The following KHNYN variants were observed in gnomAD, a reference collection of about 807,000 sequenced individuals.
The protein encoded by KHNYN is KH and NYN domain containing.
In KHNYN, 42 loss-of-function variants were observed where a neutral mutation model predicts 62.7. That is an observed-to-expected ratio of 0.67 (90% CI 0.52 to 0.87). KHNYN has a LOEUF of 0.87. KHNYN is among the 40% of genes least tolerant of loss of function. The pLI, the probability that KHNYN is intolerant of heterozygous loss-of-function variation, is 0.00. For missense variants in KHNYN, 829 were observed against 874.1 expected, an observed-to-expected ratio of 0.95 and a Z score of 0.65; for synonymous variants, 347 against 345.6, an observed-to-expected ratio of 1.00 and a Z score of -0.04.
At chr14:24,425,050 A>G (rs1487578502), upstream of KHNYN, among the ~76,000 whole-genome samples, 3 of 152,050 alleles carry the variant, frequency 2.0e-5, no homozygotes, top group African/African-American at 7.3e-5. Flanking sequence ...AAATACAAAA[A>G]ATTAGCTGGG....
At chr14:24,425,099 G>C (rs1405648782), upstream of KHNYN, among the ~76,000 whole-genome samples, 1 of 152,158 alleles carries the variant, frequency 6.6e-6, no homozygotes. Context: ...TACTCGGGAG[G>C]CTGAGGCATG....
chr14:24,429,984 C>T lies in KHNYN; in HGVS notation c.-153C>T. ...GCGTGCGATGTGGACAAGAGAGGTC[C>T]CCGCTGGGTGAGGAACCCGGGAAGG... On this transcript the variant is annotated 5_prime_UTR_variant, in exon 1 of 8. Transcript: ENST00000553935. The T allele has an allele frequency of 1.0e-6, 1 of 987,358 alleles. No individual in the cohort carries two copies. Among genetic ancestry groups the T allele is most frequent in the Non-Finnish European group, 1.2e-6 (1 of 830,834 alleles). The allele number at this position is 987,358 out of a possible 1,614,324, so 61.2% of individuals were successfully genotyped here.
upstream of KHNYN, chr14:24,427,774 G>A: frequency 6.2e-7 from 1 of 1,613,430 alleles, no homozygotes; most frequent in Non-Finnish European, 8.5e-7. This position sits in a 1 kb window ranked among gnomAD's most constrained non-coding sequence, Gnocchi z 4.4. Flanking sequence ...TCTTGTGCTT[G>A]AAAGACTTGG....
At chr14:24,433,272 G>A (rs2043154224) in intron 5 of KHNYN, among the ~76,000 whole-genome samples, 3 of 152,184 alleles carry the variant, frequency 2.0e-5, no homozygotes, top group Admixed American at 2.0e-4. Context: ...ATGATACCTT[G>A]TATTTATATA....
chr14:24,436,517 G>T, intron 7 of KHNYN, 28 bp downstream of exon 7: 1 of 1,538,378 alleles, frequency 6.5e-7, no homozygotes. Context: ...CTACTTACAG[G>T]CAGCCCCCAC....
In KHNYN at chr14:24,435,864, G is replaced by T; in HGVS notation, c.1578-208G>T. ...TATGGGAGACAGTAAAACTTCTGGGGTTGGGGCCTTGGAGAGTCCCAAATG... is the reference window on the plus strand; with the variant it reads ...TATGGGAGACAGTAAAACTTCTGGGTTTGGGGCCTTGGAGAGTCCCAAATG... On this transcript the variant is annotated intron_variant, in intron 5 of 7. Transcript: ENST00000553935. 1.0e-5 allele frequency: 6 copies of T among 583,326 alleles called. No homozygotes were observed. The South Asian group carries it at 1.3e-4, about 12-fold the overall frequency. The allele number at this position is 583,326 out of a possible 1,614,324, so 36.1% of individuals were successfully genotyped here. A position where few individuals can be genotyped will look rare whatever the true frequency, so the allele number is the denominator to read the frequency against.
At chr14:24,434,096 C>T (rs551126889) in intron 5 of KHNYN, 2 of 968,074 alleles carry the variant, frequency 2.1e-6, no homozygotes, top group Non-Finnish European at 2.5e-6. Context: ...CTATTTATAT[C>T]TAGATGTCAC....
At position 24,438,979 on chromosome 14, in the gene KHNYN, T is replaced by C. The variant is rs1566504021; in HGVS notation, c.*1694T>C. The C allele has an allele frequency of 6.6e-6, 1 of 152,186 alleles. No individual in the cohort carries two copies. The highest frequency in any genetic ancestry group is 2.4e-5 in the African/African-American group (1 of 41,396). The allele number at this position is 152,186 out of a possible 1,614,324, so 9.4% of individuals were successfully genotyped here. On this transcript the variant is annotated 3_prime_UTR_variant, in exon 8 of 8. Coordinates refer to ENST00000553935, the MANE Select transcript of KHNYN (RefSeq NM_015299.3). The stretch of plus-strand genomic sequence containing the variant: ...TCCTTTTTGGTGATTTACACCACTG[T>C]ACCATACTGACCCAGGCTGGGGGCA...
rs769013768 is a variant in KHNYN at position 24,432,465 on chromosome 14, C to T, written c.1204C>T (p.Arg402Ter). Residue 402 changes from arginine (R) to a stop codon, truncating the protein, a stop_gained, in exon 3 of 8, where the codon CGA (arginine) becomes TGA (stop). Transcript: ENST00000553935. LOFTEE classifies it high-confidence loss of function. The surrounding 1 kb of genome is among the most constrained non-coding windows in gnomAD (Gnocchi z 5.6). ...ACGGGGTCGGGGGCCTCAATGGAAA[C>T]GAGGCGCCCGAGGGGGCAACTTGGT... ...MARGRGPQWK[R>*]GARGGNLVTG... is the part of the protein sequence containing the mutation. 6.8e-6 allele frequency: 11 copies of T among 1,613,402 alleles called. No homozygotes were observed. Among genetic ancestry groups the T allele is most frequent in the African/African-American group, 2.7e-5 (2 of 74,898 alleles).
chr14:24,431,728 A>G lies in KHNYN; in HGVS notation c.467A>G (p.Gln156Arg). 6.2e-7 allele frequency: 1 copy of G among 1,614,166 alleles called. No homozygotes were observed. The highest frequency in any genetic ancestry group is 8.5e-7 in the Non-Finnish European group (1 of 1,180,034). ...CCAGGACCATCTTCCGGAGCCTCTC[A>G]GTGTACTGGAGTGCTGAGAGACTTC... ...FTPGPSSGAS[Q>R]CTGVLRDFSA... Residue 156 changes from glutamine (Q) to arginine (R), a missense_variant, in exon 3 of 8, where the codon CAG becomes CGG. Transcript: ENST00000553935.
In KHNYN at chr14:24,439,326, C is replaced by CA. The variant is rs1178666272; in HGVS notation, c.*2042dup. The CA allele has an allele frequency of 1.3e-5, 2 of 152,154 alleles. No individual in the cohort carries two copies. Among genetic ancestry groups the CA allele is most frequent in the Non-Finnish European group, 2.9e-5 (2 of 68,038 alleles). 9.4% of individuals were successfully genotyped at this position (152,154 alleles called of 1,614,324 possible). A position where few individuals can be genotyped will look rare whatever the true frequency, so the allele number is the denominator to read the frequency against. ...AGGGCCCTGGTTGACTGAGTGGCCC[C>CA]AGTCAGATGAGAGGCAAGTCCTAAG... On this transcript the variant is annotated 3_prime_UTR_variant, in exon 8 of 8. Transcript: ENST00000553935.
At chr14:24,434,297 T>G (rs1279497485) in intron 5 of KHNYN, 29 of 985,258 alleles carry the variant, frequency 2.9e-5, no homozygotes, top group Non-Finnish European at 3.5e-5. Flanking sequence ...GTACACAGCG[T>G]AGGCATACGG....
chr14:24,423,591 G>A, the KHNYN span, among the ~76,000 whole-genome samples: 3 of 152,210 alleles, frequency 2.0e-5, no homozygotes, highest in African/African-American at 7.2e-5. Flanking sequence ...CAGAACTGGT[G>A]GGGCAAAAGG....
At chr14:24,434,805 A>G (rs928225028) in intron 5 of KHNYN, among the ~76,000 whole-genome samples, 7 of 152,126 alleles carry the variant, frequency 4.6e-5, no homozygotes, top group African/African-American at 1.2e-4. Flanking sequence ...CCTATACCAC[A>G]CTATCTTTCA....
At chr14:24,429,272 A>G (rs906852600), upstream of KHNYN, 43 of 703,388 alleles carry the variant, frequency 6.1e-5, no homozygotes, top group Non-Finnish European at 1.0e-4. Flanking sequence ...ATGCAGTGAC[A>G]GCAGTTGGGC....
chr14:24,434,846 A>G (rs2043181188), intron 5 of KHNYN, among the ~76,000 whole-genome samples: 1 of 152,198 alleles, frequency 6.6e-6, no homozygotes, highest in Non-Finnish European at 1.5e-5. Context: ...TACTAGGTGC[A>G]TGGCCTGCAG....
chr14:24,441,037 T>G lies in KHNYN; in HGVS notation c.*3752T>G. On this transcript the variant is annotated 3_prime_UTR_variant, in exon 8 of 8. Coordinates refer to ENST00000553935, the MANE Select transcript of KHNYN (RefSeq NM_015299.3). ...CTCTGGCCCTTAGGATCTCCCCATT[T>G]GGAGACAGAGCCATTTGGATATTTT... The G allele has an allele frequency of 8.6e-7, 1 of 1,166,160 alleles. No individual in the cohort carries two copies. 72.2% of individuals were successfully genotyped at this position (1,166,160 alleles called of 1,614,324 possible).
intron 5 of KHNYN, 65 bp downstream of exon 5, chr14:24,433,097 G>T: frequency 7.0e-7 from 1 of 1,428,118 alleles, no homozygotes. Flanking sequence ...CTGAGGGAGA[G>T]AGAAAAGCTC....
Position 24,440,235 on chromosome 14 carries a change from G to C in KHNYN, c.*2950G>C, listed in dbSNP as rs371901244. The C allele has an allele frequency of 2.0e-5, 33 of 1,613,934 alleles. No homozygotes were observed. In the African/African-American group the frequency reaches 3.7e-4, roughly 18 times the overall value. On this transcript the variant is annotated 3_prime_UTR_variant, in exon 8 of 8. Transcript: ENST00000553935. ...ACAGCTTGCACCACAGCGCTGGGGAGAGGGATGAAGGCTCGGCGGCCCAGG... is the reference window on the plus strand; with the variant it reads ...ACAGCTTGCACCACAGCGCTGGGGACAGGGATGAAGGCTCGGCGGCCCAGG...
Sources: allele counts gnomAD v4.1 joint callset (sites outside exome capture counted in the v4.1 genomes callset), GRCh38; gene constraint gnomAD v4.1.1; non-coding constraint Gnocchi (gnomAD v3.1); transcripts MANE v1.5; gene names NCBI Gene and HGNC (gene_info 2026-07-23, HGNC 2026-07-21).